Variants in LAMC2 observed in about 807,000 individuals in gnomAD.
LAMC2 encodes laminin subunit gamma-2.
LAMC2 carries 97 observed loss-of-function variants against 140.2 expected under a neutral mutation model. The observed-to-expected ratio is 0.69, with a 90% CI of 0.59 to 0.82. The LOEUF is 0.82. Ranked by LOEUF, LAMC2 falls within the 40% of genes least tolerant of loss-of-function variation. LAMC2 has a pLI of 0.00. For missense variants in LAMC2, 1,402 were observed against 1,476.1 expected, an observed-to-expected ratio of 0.95 and a Z score of 0.82; for synonymous variants, 513 against 540.2, an observed-to-expected ratio of 0.95 and a Z score of 0.70.
At chr1:183,237,907 C>T (rs1185617855) in intron 18 of LAMC2, among the ~76,000 whole-genome samples, 1 of 152,036 alleles carries the variant, frequency 6.6e-6, no homozygotes, top group Non-Finnish European at 1.5e-5. Context: ...ACAATGAAGG[C>T]ACTGCTTATG....
At chr1:183,235,212 T>G (rs1332171303) in intron 15 of LAMC2, among the ~76,000 whole-genome samples, 3 of 152,050 alleles carry the variant, frequency 2.0e-5, no homozygotes, top group Non-Finnish European at 4.4e-5. Context: ...CGAAAGTGCG[T>G]AAAGGTTGGA....
chr1:183,205,029 G>A lies in LAMC2; in HGVS notation c.80-2852G>A, dbSNP rs535097432. Among the ~76,000 whole-genome samples, 9 of 152,198 alleles carry A rather than the reference G, an allele frequency of 5.9e-5. No homozygotes were observed. In the East Asian group the frequency reaches 1.5e-3, roughly 26 times the overall value. ...GTAGAGACGGGGTTTCACTATGTTG[G>A]CCAGGCTGGTCTCAAACTCCTGACG... On this transcript the variant is annotated intron_variant, in intron 1 of 22. Coordinates refer to ENST00000264144, the MANE Select transcript of LAMC2 (RefSeq NM_005562.3).
At chr1:183,208,706 G>T (rs1482254765) in intron 2 of LAMC2, among the ~76,000 whole-genome samples, 1 of 152,106 alleles carries the variant, frequency 6.6e-6, no homozygotes, top group Non-Finnish European at 1.5e-5. Context: ...TTGAGACAGG[G>T]TCTCACACTG....
chr1:183,194,423 G>A (rs1658449038), intron 1 of LAMC2, among the ~76,000 whole-genome samples: 1 of 152,162 alleles, frequency 6.6e-6, no homozygotes, highest in Admixed American at 6.5e-5. Context: ...GTGAAGGGAT[G>A]TAGTGATAGC....
intron 1 of LAMC2, among the ~76,000 whole-genome samples, chr1:183,190,924 C>G (rs1658311932): frequency 6.6e-6 from 1 of 152,154 alleles, no homozygotes; most frequent in Non-Finnish European, 1.5e-5. Context: ...AAAAGATAGA[C>G]AAATTATCCC....
At chr1:183,207,798 T>C in intron 1 of LAMC2, 83 bp from the exon 2 acceptor site, 1 of 1,173,634 alleles carries the variant, frequency 8.5e-7, no homozygotes, top group Middle Eastern at 2.0e-4. Flanking sequence ...TTTCTATCAA[T>C]AATAACATAA....
intron 1 of LAMC2, 131 bp from the exon 2 acceptor site, chr1:183,207,750 G>T: frequency 1.2e-6 from 1 of 808,632 alleles, no homozygotes; most frequent in Non-Finnish European, 2.0e-6. Context: ...TCTTCCTCCC[G>T]CAAGGAGTGT....
rs767665827 is a variant in LAMC2, at chr1:183,243,337, G to A, written c.3519G>A (p.Leu1173=). ...IDGILADVKN[L]ENIRDNLPPG... ...GGATTCTGGCTGATGTGAAGAACTT[G>A]GAGAACATTAGGGACAACCTGCCCC... Residue 1173 remains leucine, a synonymous_variant, in exon 23 of 23, where the codon TTG becomes TTA. Coordinates refer to ENST00000264144, the MANE Select transcript of LAMC2 (RefSeq NM_005562.3). The A allele has an allele frequency of 1.9e-6, 3 of 1,614,180 alleles. No homozygotes were observed. The highest frequency in any genetic ancestry group is 2.5e-6 in the Non-Finnish European group (3 of 1,180,024).
chr1:183,241,328 G>C lies in LAMC2; in HGVS notation c.3328+937G>C, dbSNP rs575996917. The C allele has an allele frequency of 1.7e-5, 17 of 985,146 alleles. No homozygotes were observed. The African/African-American group carries it at 2.8e-4, about 16-fold the overall frequency. 61.0% of individuals were successfully genotyped at this position (985,146 alleles called of 1,614,324 possible). Reference sequence around the variant, plus strand: ...CCTCCCCAAACCAAAGTTATACCTTGATGTAACCAGTGGGAGGAACTTGAG... The same window carrying C: ...CCTCCCCAAACCAAAGTTATACCTTCATGTAACCAGTGGGAGGAACTTGAG... On this transcript the variant is annotated intron_variant, in intron 22 of 22. Transcript: ENST00000264144.
chr1:183,197,987 A>G (rs887832602), intron 1 of LAMC2, among the ~76,000 whole-genome samples: 2 of 152,114 alleles, frequency 1.3e-5, no homozygotes, highest in African/African-American at 2.4e-5. Flanking sequence ...ACATCATTGT[A>G]TCCAAGGGAA....
At position 183,223,341 on chromosome 1, in the gene LAMC2, T is replaced by C; in HGVS notation, c.953+17T>C. Reference sequence around the variant, plus strand: ...CACATTCAGGTAAAAAGAGAGACCATAAGTAGGTCAATTAGAGCAAACTAT... The same window carrying C: ...CACATTCAGGTAAAAAGAGAGACCACAAGTAGGTCAATTAGAGCAAACTAT... On this transcript the variant is annotated intron_variant, in intron 7 of 22. Coordinates refer to ENST00000264144, the MANE Select transcript of LAMC2 (RefSeq NM_005562.3). The C allele has an allele frequency of 6.2e-7, 1 of 1,611,420 alleles. No individual in the cohort carries two copies. The highest frequency in any genetic ancestry group is 8.5e-7 in the Non-Finnish European group (1 of 1,177,580).
intron 11 of LAMC2, among the ~76,000 whole-genome samples, chr1:183,230,293 A>G (rs1262623295): frequency 6.6e-6 from 1 of 152,224 alleles, no homozygotes; most frequent in East Asian, 1.9e-4. Flanking sequence ...ATACACAAAT[A>G]TGTATGCAAA....
chr1:183,252,730 G>A, the LAMC2 span: 1 of 1,613,720 alleles, frequency 6.2e-7, no homozygotes, highest in Non-Finnish European at 8.5e-7. Context: ...CCGTCCCCAT[G>A]CTGCAGGGCC....
chr1:183,207,670 C>T (rs745500228), intron 1 of LAMC2, among the ~76,000 whole-genome samples: 39 of 152,180 alleles, frequency 2.6e-4, no homozygotes, highest in Non-Finnish European at 4.4e-4. Flanking sequence ...ACCAGCATTG[C>T]ATAGTGCCTA....
intron 1 of LAMC2, among the ~76,000 whole-genome samples, chr1:183,192,865 T>G (rs1388724515): frequency 6.6e-6 from 1 of 152,112 alleles, no homozygotes; most frequent in Admixed American, 6.5e-5. Context: ...CCACCATGCC[T>G]GACTAATTTT....
At chr1:183,204,015 C>G (rs896389610) in intron 1 of LAMC2, among the ~76,000 whole-genome samples, 21 of 152,174 alleles carry the variant, frequency 1.4e-4, no homozygotes, top group Non-Finnish European at 2.8e-4. Flanking sequence ...ATGGGGCAGG[C>G]ATGGTAGCTC....
At chr1:183,220,779 A>G (rs1659442534) in intron 4 of LAMC2, 46 bp from the exon 5 acceptor site, 1 of 1,585,186 alleles carries the variant, frequency 6.3e-7, no homozygotes, top group Non-Finnish European at 8.6e-7. Context: ...TTTCTATAGA[A>G]TAAAAAATAA....
At chr1:183,215,894 T>C (rs1659237391) in intron 3 of LAMC2, among the ~76,000 whole-genome samples, 1 of 152,170 alleles carries the variant, frequency 6.6e-6, no homozygotes, top group South Asian at 2.1e-4. Context: ...TCTCTGGCAA[T>C]TGCTTCCCTC....
In LAMC2 at chr1:183,223,296, T is replaced by C. The variant is rs769503694; in HGVS notation, c.925T>C (p.Cys309Arg). ...PLMPLGKTLP[C>R]GLTKTYTFRL... ...GATGCCACTTGGCAAGACACTGCCT[T>C]GTGGGCTCACCAAGACTTACACATT... Residue 309 changes from cysteine to arginine, a missense_variant, in exon 7 of 23, where the codon TGT (cysteine) becomes CGT (arginine). Transcript: ENST00000264144. The C allele has an allele frequency of 6.2e-7, 1 of 1,614,076 alleles. No individual in the cohort carries two copies. Among genetic ancestry groups the C allele is most frequent in the African/African-American group, 1.3e-5 (1 of 74,918 alleles).
Sources: gnomAD v4.1 joint callset for allele counts (sites outside exome capture counted in the v4.1 genomes callset) on GRCh38, gnomAD v4.1.1 for gene constraint, MANE v1.5 for transcripts, NCBI Gene and HGNC (gene_info 2026-07-23, HGNC 2026-07-21) for gene names.